Variants in SEMA6D observed in about 807,000 individuals in gnomAD.
SEMA6D encodes the protein semaphorin 6D, also known as semaphorin-6D.
SEMA6D carries 35 observed loss-of-function variants against 106.6 expected under a neutral mutation model. That is an observed-to-expected ratio of 0.33 (90% confidence interval 0.25 to 0.44). The LOEUF (loss-of-function observed/expected upper bound fraction) is 0.44, where lower values mean the gene tolerates loss of function less well. SEMA6D is among the 20% of genes least tolerant of loss of function. The probability of loss-of-function intolerance (pLI) is 1.00; values close to 1 mark genes in which losing one functional copy is unlikely to be tolerated. For missense variants in SEMA6D, 1,185 were observed against 1,345.9 expected (o/e 0.88, Z 1.87); for synonymous variants, 499 against 487.7 (o/e 1.02, Z -0.31).
chr15:47,364,329 A>T (rs2038927629), intron 1 of SEMA6D, among the ~76,000 whole-genome samples: 1 of 152,154 alleles, frequency 6.6e-6, no homozygotes, highest in South Asian at 2.1e-4. Context: ...GCTCAGCTGG[A>T]TTATATTATC....
chr15:47,643,341 C>T (rs1050979923), intron 4 of SEMA6D, among the ~76,000 whole-genome samples: 2 of 152,158 alleles, frequency 1.3e-5, no homozygotes, highest in Non-Finnish European at 2.9e-5. Flanking sequence ...TATCTTGTTG[C>T]ACAGTGTAGA....
chr15:47,369,226 ATG>A (rs1221845409), intron 1 of SEMA6D, among the ~76,000 whole-genome samples: 3 of 152,172 alleles, frequency 2.0e-5, no homozygotes, highest in Non-Finnish European at 4.4e-5. Flanking sequence ...AAATTGAAAG[ATG>A]TGCCTGTGAT....
In SEMA6D at chr15:47,730,073, G is replaced by A. The variant is rs1164275388; in HGVS notation, c.-55+12381G>A. The stretch of plus-strand genomic sequence containing the variant: ...TCCCATTTTATTTTAGTTTAGTTTA[G>A]TTTAGTTTTGAAGGAAAATTTATAT... On this transcript the variant is annotated intron_variant, in intron 1 of 18. Coordinates refer to ENST00000536845, the MANE Select transcript of SEMA6D (RefSeq NM_001358351.3). The A allele has an allele frequency of 4.2e-6, 3 of 721,514 alleles. No homozygotes were observed. In the African/African-American group the frequency reaches 5.3e-5, roughly 13 times the overall value. The allele number at this position is 721,514 out of a possible 1,614,324, so 44.7% of individuals were successfully genotyped here. A position where few individuals can be genotyped will look rare whatever the true frequency, so the allele number is the denominator to read the frequency against.
chr15:47,524,406 A>G (rs974417026), intron 3 of SEMA6D, among the ~76,000 whole-genome samples: 3 of 152,126 alleles, frequency 2.0e-5, no homozygotes, highest in Non-Finnish European at 4.4e-5. Flanking sequence ...TGCTGATTGA[A>G]ACTTACTCTA....
At chr15:47,640,975 C>T (rs1407630910) in intron 4 of SEMA6D, among the ~76,000 whole-genome samples, 1 of 152,032 alleles carries the variant, frequency 6.6e-6, no homozygotes, top group Non-Finnish European at 1.5e-5. Flanking sequence ...TCTTTATATC[C>T]ACAGGGCTCA....
chr15:47,339,232 T>A (rs1396216284), intron 1 of SEMA6D: 3 of 152,176 alleles, frequency 2.0e-5, no homozygotes, highest in Non-Finnish European at 4.4e-5. Flanking sequence ...AAGTGTTTCC[T>A]TAAGTTCTTT....
intron 1 of SEMA6D, among the ~76,000 whole-genome samples, chr15:47,721,323 G>A (rs1285074149): frequency 6.6e-6 from 1 of 152,160 alleles, no homozygotes; most frequent in Non-Finnish European, 1.5e-5. Flanking sequence ...ATGATTCAAT[G>A]TACTGTTAAG....
chr15:47,560,259 A>G (rs768731703), intron 3 of SEMA6D, among the ~76,000 whole-genome samples: 3 of 152,084 alleles, frequency 2.0e-5, no homozygotes, highest in Non-Finnish European at 4.4e-5. Flanking sequence ...AAAAGACTTC[A>G]AAGCAGCTTT....
At chr15:47,194,470 C>T (rs1339813122) in intron 1 of SEMA6D, among the ~76,000 whole-genome samples, 1 of 151,856 alleles carries the variant, frequency 6.6e-6, no homozygotes. Context: ...AGGGAGTGGG[C>T]AGGGTTGAGG....
chr15:47,436,768 A>AAAAAAATATATAT (rs1302309417), intron 2 of SEMA6D, among the ~76,000 whole-genome samples: 5 of 125,388 alleles, frequency 4.0e-5, no homozygotes, highest in African/African-American at 1.5e-4. Context: ...TAAAAAAAAA[A>AAAAAAATATATAT]ATATATATAT....
At chr15:47,185,687 AC>A (rs1212909117) in intron 1 of SEMA6D, 3 of 152,184 alleles carry the variant, frequency 2.0e-5, no homozygotes, top group African/African-American at 7.2e-5. Context: ...ATGGAGGCAG[AC>A]ATGTGTACCC....
chr15:47,218,317 C>T (rs1218745216), intron 1 of SEMA6D, among the ~76,000 whole-genome samples: 1 of 152,144 alleles, frequency 6.6e-6, no homozygotes, highest in Non-Finnish European at 1.5e-5. Context: ...TCCTGGTCTT[C>T]ATTTGTCTGT....
At chr15:47,590,526 T>TAATA (rs903008159) in intron 3 of SEMA6D, among the ~76,000 whole-genome samples, 3 of 151,890 alleles carry the variant, frequency 2.0e-5, no homozygotes, top group Non-Finnish European at 2.9e-5. Context: ...ACTTAAAGTA[T>TAATA]AATAAATAAA....
At chr15:47,677,038 T>C (rs1282954259) in intron 4 of SEMA6D, among the ~76,000 whole-genome samples, 1 of 152,072 alleles carries the variant, frequency 6.6e-6, no homozygotes, top group East Asian at 1.9e-4. Flanking sequence ...CAGTTCACAA[T>C]AGGGTTTGCA....
chr15:47,750,473 C>G, intron 1 of SEMA6D, among the ~76,000 whole-genome samples: 1 of 152,216 alleles, frequency 6.6e-6, no homozygotes, highest in Non-Finnish European at 1.5e-5. Context: ...TTCCTGGCCT[C>G]TTTCCTCTCT....
intron 1 of SEMA6D, among the ~76,000 whole-genome samples, chr15:47,411,336 C>A (rs529648424): frequency 6.6e-6 from 1 of 152,134 alleles, no homozygotes; most frequent in East Asian, 1.9e-4. Flanking sequence ...ACCTCGTGAT[C>A]CGCCTGCCTC....
In SEMA6D at chr15:47,764,850, TC is replaced by T. The variant is rs2082251445; in HGVS notation, c.1254-29del. On this transcript the variant is annotated intron_variant, in intron 12 of 18. Transcript: ENST00000536845. The stretch of plus-strand genomic sequence containing the variant: ...TCAACGTTTTCTCTGCCCGTTGGCC[TC>T]CCCTTCTGATCTGTGCCGCCTCCTC... 1.9e-6 allele frequency: 3 copies of T among 1,613,360 alleles called. No homozygotes were observed. In the East Asian group the frequency reaches 6.7e-5, roughly 36 times the overall value.
chr15:47,681,965 A>G (rs935576605), intron 4 of SEMA6D, among the ~76,000 whole-genome samples: 1 of 152,200 alleles, frequency 6.6e-6, no homozygotes, highest in Non-Finnish European at 1.5e-5. Flanking sequence ...TTTAGGTTCA[A>G]TGGTCTAGTT....
intron 1 of SEMA6D, among the ~76,000 whole-genome samples, chr15:47,747,498 AAG>A (rs1327201676): frequency 6.6e-6 from 1 of 152,196 alleles, no homozygotes; most frequent in East Asian, 1.9e-4. Context: ...AACCTTGCAT[AAG>A]AGGTTTTTAA....
Sources: gnomAD v4.1 joint callset for allele counts (sites outside exome capture counted in the v4.1 genomes callset) on GRCh38, gnomAD v4.1.1 for gene constraint, MANE v1.5 for transcripts, NCBI Gene and HGNC (gene_info 2026-07-23, HGNC 2026-07-21) for gene names.